SUCLG1: variants seen among roughly 807,000 people sequenced by gnomAD.
The protein encoded by SUCLG1 is succinate--CoA ligase [ADP/GDP-forming] subunit alpha, mitochondrial.
SUCLG1 carries 26 observed loss-of-function variants against 37.3 expected under a neutral mutation model. That is an observed-to-expected ratio of 0.70 (90% CI 0.51 to 0.97). The LOEUF (loss-of-function observed/expected upper bound fraction) is 0.97. Among genes scored for constraint, SUCLG1 ranks in the 50% least tolerant of loss-of-function variants. The pLI, the probability that SUCLG1 is intolerant of heterozygous loss-of-function variation, is 0.00. For synonymous variants in SUCLG1, 163 were observed against 155.6 expected (o/e 1.05, Z -0.36); for missense variants, 433 against 432.9 (o/e 1.00, Z 0.00).
chr2:84,425,885 A>G, intron 7 of SUCLG1: 1 of 446,754 alleles, frequency 2.2e-6, no homozygotes, highest in South Asian at 2.3e-5. Flanking sequence ...TATCATTTGA[A>G]AAGTAAAAGA....
At chr2:84,428,470 T>C (rs974159029) in intron 7 of SUCLG1, among the ~76,000 whole-genome samples, 1 of 152,106 alleles carries the variant, frequency 6.6e-6, no homozygotes, top group Non-Finnish European at 1.5e-5. Flanking sequence ...AATTATTTAC[T>C]CATTCACTCA....
intron 1 of SUCLG1, chr2:84,458,586 A>C (rs1416360643): frequency 6.6e-6 from 1 of 152,238 alleles, no homozygotes; most frequent in African/African-American, 2.4e-5. Context: ...ACTGCAAATA[A>C]GCTGGTTTAG....
chr2:84,426,890 C>T (rs1260030148), intron 7 of SUCLG1: 1 of 152,290 alleles, frequency 6.6e-6, no homozygotes, highest in Non-Finnish European at 1.5e-5. Context: ...GTCTAGGGAT[C>T]CCTTATACTT....
rs531529359 is a variant in SUCLG1, at chr2:84,458,868, CTGTCATT to C, written c.97+298_97+304del. Among the ~76,000 whole-genome samples, 45 of 152,338 alleles carry C rather than the reference CTGTCATT, an allele frequency of 3.0e-4. 2 individuals are homozygous for C. In the East Asian group the frequency reaches 7.9e-3, roughly 27 times the overall value. ...GGCCAGTCTAGACGCCACCCCCATCCTGTCATTTGTCACCGCGGGGCCGAGAGCAAGC... is the reference window on the plus strand; with the variant it reads ...GGCCAGTCTAGACGCCACCCCCATCCTGTCACCGCGGGGCCGAGAGCAAGC... On this transcript the variant is annotated intron_variant, in intron 1 of 8. Transcript: ENST00000393868.
chr2:84,449,281 CTGTT>C (rs1319680849), intron 2 of SUCLG1, among the ~76,000 whole-genome samples: 1 of 152,090 alleles, frequency 6.6e-6, no homozygotes, highest in East Asian at 1.9e-4. Context: ...GGTTTTTTGT[CTGTT>C]TGTACAAAAC....
chr2:84,441,500 C>A, intron 3 of SUCLG1, 41 bp from the exon 4 acceptor site: 1 of 1,574,982 alleles, frequency 6.3e-7, no homozygotes, highest in Non-Finnish European at 8.7e-7. Flanking sequence ...TTTGTTAAAT[C>A]ATAAACATTG....
At chr2:84,448,734 G>A (rs1015160765) in intron 2 of SUCLG1, among the ~76,000 whole-genome samples, 15 of 151,768 alleles carry the variant, frequency 9.9e-5, no homozygotes, top group Non-Finnish European at 2.2e-4. Context: ...TATTAAAATT[G>A]TAAATACACA....
intron 7 of SUCLG1, 94 bp downstream of exon 7, chr2:84,431,414 C>A: frequency 1.3e-6 from 2 of 1,545,912 alleles, no homozygotes; most frequent in Non-Finnish European, 1.8e-6. Context: ...CATGTTTTCT[C>A]AAAAAATTCA....
At chr2:84,433,101 G>A in intron 6 of SUCLG1, 1 of 544,038 alleles carries the variant, frequency 1.8e-6, no homozygotes, top group Non-Finnish European at 3.3e-6. Flanking sequence ...ATGTTTTCAG[G>A]CACCAAGGTG....
chr2:84,456,366 C>T (rs1673020392), intron 1 of SUCLG1, among the ~76,000 whole-genome samples: 1 of 152,144 alleles, frequency 6.6e-6, no homozygotes, highest in African/African-American at 2.4e-5. Flanking sequence ...TTTGGGATTT[C>T]CTCATCTGCC....
chr2:84,445,138 T>C (rs1672830708), intron 2 of SUCLG1, among the ~76,000 whole-genome samples: 1 of 152,172 alleles, frequency 6.6e-6, no homozygotes, highest in Non-Finnish European at 1.5e-5. Flanking sequence ...GGGGAAGTGA[T>C]AAGTGTCCAT....
intron 6 of SUCLG1, chr2:84,432,693 C>T (rs537213226): frequency 3.9e-5 from 6 of 152,104 alleles, no homozygotes; most frequent in African/African-American, 1.4e-4. Context: ...GTTACTTTTT[C>T]GTAAAGATAA....
rs762129471 is a variant in SUCLG1 at position 84,423,701 on chromosome 2, T to C, written c.*45A>G. ...AGAAGCAAACTGCTGCTGGGTTACA[T>C]GTCTACGTGATCCATTCCACAGTTT... On this transcript the variant is annotated 3_prime_UTR_variant, in exon 9 of 9. Coordinates refer to ENST00000393868, the MANE Select transcript of SUCLG1 (RefSeq NM_003849.4). 9.5e-6 allele frequency: 15 copies of C among 1,571,690 alleles called. No individual in the cohort carries two copies. Among genetic ancestry groups the C allele is most frequent in the Non-Finnish European group, 1.1e-5 (13 of 1,149,222 alleles).
chr2:84,427,740 G>T (rs115117983), intron 7 of SUCLG1, among the ~76,000 whole-genome samples: 1,568 of 152,288 alleles, frequency 0.01, 41 homozygotes, highest in African/African-American at 0.036. Flanking sequence ...CAGTTCGTCT[G>T]CCAGTCATTC....
At chr2:84,458,052 G>C (rs1558617036) in intron 1 of SUCLG1, among the ~76,000 whole-genome samples, 1 of 151,588 alleles carries the variant, frequency 6.6e-6, no homozygotes, top group Non-Finnish European at 1.5e-5. Flanking sequence ...TAAGAGCAAA[G>C]CGGAAAAAGA....
At chr2:84,440,610 T>A (rs1672753643) in intron 5 of SUCLG1, among the ~76,000 whole-genome samples, 1 of 152,200 alleles carries the variant, frequency 6.6e-6, no homozygotes, top group Non-Finnish European at 1.5e-5. Context: ...TGTACACAAA[T>A]GTTGACCTAA....
chr2:84,441,599 A>G (rs1672774582), intron 3 of SUCLG1, 140 bp from the exon 4 acceptor site: 1 of 990,696 alleles, frequency 1.0e-6, no homozygotes, highest in African/African-American at 1.6e-5. Context: ...CCATTCTCAA[A>G]TTTGCTACAC....
Position 84,449,772 on chromosome 2 carries a change from A to C in SUCLG1, c.98-20T>G, listed in dbSNP as rs1274072017. 1.4e-5 allele frequency: 19 copies of C among 1,392,048 alleles called. No individual in the cohort carries two copies. The highest frequency in any genetic ancestry group is 1.4e-5 in the Non-Finnish European group (14 of 1,008,654). The allele number at this position is 1,392,048 out of a possible 1,614,324, so 86.2% of individuals were successfully genotyped here. On this transcript the variant is annotated intron_variant, in intron 1 of 8. Coordinates refer to ENST00000393868, the MANE Select transcript of SUCLG1 (RefSeq NM_003849.4). ...GCGGCACTAAGAGGTTAAAAAAAAA[A>C]AAAAAAAAAAAAAAAGACACATTAT...
At chr2:84,443,128 A>T in intron 3 of SUCLG1, 156 bp downstream of exon 3, 1 of 754,160 alleles carries the variant, frequency 1.3e-6, no homozygotes, top group Non-Finnish European at 2.4e-6. Context: ...CAAAAATAAC[A>T]CACTGGTTTT....
Sources: allele counts gnomAD v4.1 joint callset (sites outside exome capture counted in the v4.1 genomes callset), GRCh38; gene constraint gnomAD v4.1.1; transcripts MANE v1.5; gene names NCBI Gene and HGNC (gene_info 2026-07-23, HGNC 2026-07-21).